Variants in SYT16 observed in about 807,000 individuals in gnomAD.
SYT16 encodes synaptotagmin 16, also known as synaptotagmin-16.
Under a neutral mutation model 61.4 loss-of-function variants are expected in SYT16, and 42 were observed. That is an observed-to-expected ratio of 0.68 (90% CI 0.53 to 0.89). The LOEUF is 0.89. Among genes scored for constraint, SYT16 ranks in the 40% least tolerant of loss-of-function variants. SYT16 has a pLI of 0.00. For missense variants in SYT16, 804 were observed against 807.3 expected (o/e 1.00, Z 0.05); for synonymous variants, 314 against 302.3 (o/e 1.04, Z -0.40).
At chr14:61,897,805 G>A (rs540856970) in intron 1 of SYT16, among the ~76,000 whole-genome samples, 1 of 152,198 alleles carries the variant, frequency 6.6e-6, no homozygotes, top group Non-Finnish European at 1.5e-5. Flanking sequence ...ACTTGGCTCA[G>A]GGACTGGGTC....
At chr14:61,967,638 A>G (rs2051368766) in intron 1 of SYT16, among the ~76,000 whole-genome samples, 1 of 152,062 alleles carries the variant, frequency 6.6e-6, no homozygotes, top group Admixed American at 6.6e-5. Context: ...CTGTCTCATA[A>G]GGACACTCAT....
At chr14:62,031,598 C>T (rs1305500512) in intron 3 of SYT16, among the ~76,000 whole-genome samples, 2 of 152,132 alleles carry the variant, frequency 1.3e-5, no homozygotes. Context: ...AGAGTCCCCT[C>T]ATTACTGTCG....
At chr14:61,816,290 G>A (rs2045424129) in intron 1 of SYT16, among the ~76,000 whole-genome samples, 1 of 142,444 alleles carries the variant, frequency 7.0e-6, no homozygotes, top group Admixed American at 6.9e-5. Context: ...CTCAGTCCTG[G>A]AAGAGGGTGG....
At chr14:62,064,333 T>TG (rs2055961828) in intron 3 of SYT16, among the ~76,000 whole-genome samples, 1 of 54,994 alleles carries the variant, frequency 1.8e-5, no homozygotes, top group South Asian at 4.6e-4. Flanking sequence ...ACTTTAAATT[T>TG]GAAAAAAAAA....
rs551414045 is a variant in SYT16, at chr14:61,937,973, C to T, written c.-324-32159C>T. On this transcript the variant is annotated intron_variant, in intron 1 of 7. Transcript: ENST00000683842. ...GAGTTTACAGTCCATTGAGGAATAC[C>T]CATTTTAACTTTCATCTGAGGCCTC... is the stretch of plus-strand genomic sequence containing the variant. Among the ~76,000 whole-genome samples the T allele has an allele frequency of 7.4e-5, 11 of 148,400 alleles. 1 individual carries two copies. The South Asian group carries it at 2.4e-3, about 32-fold the overall frequency.
At chr14:62,006,630 C>T (rs1372011567) in intron 3 of SYT16, among the ~76,000 whole-genome samples, 2 of 152,042 alleles carry the variant, frequency 1.3e-5, no homozygotes, top group African/African-American at 4.8e-5. Flanking sequence ...TTAGCAGTTG[C>T]CGATGATTAA....
rs73258407 is a variant in SYT16 at position 61,866,947 on chromosome 14, G to A, written c.-325+54137G>A. Reference sequence around the variant, plus strand: ...TTTTTGCTTATGTTGTGAGCTAAGGGTCTAGGCTCATTTTTTTTTTCATAT... The same window carrying A: ...TTTTTGCTTATGTTGTGAGCTAAGGATCTAGGCTCATTTTTTTTTTCATAT... On this transcript the variant is annotated intron_variant, in intron 1 of 7. Coordinates refer to ENST00000683842, the MANE Select transcript of SYT16 (RefSeq NM_001367656.1). Among the ~76,000 whole-genome samples the A allele has an allele frequency of 3.8e-3, 581 of 151,560 alleles. 7 individuals carry two copies. The highest frequency in any genetic ancestry group is 0.013 in the African/African-American group (550 of 41,244).
chr14:61,915,492 G>A (rs899350472), intron 1 of SYT16, among the ~76,000 whole-genome samples: 2 of 152,060 alleles, frequency 1.3e-5, no homozygotes, highest in African/African-American at 4.8e-5. Flanking sequence ...AACAAGTTTA[G>A]GACAACTTTT....
intron 2 of SYT16, among the ~76,000 whole-genome samples, chr14:61,971,501 T>C (rs1041064382): frequency 4.6e-5 from 7 of 152,230 alleles, no homozygotes; most frequent in African/African-American, 1.7e-4. Flanking sequence ...ATGTGGCAGC[T>C]GGCTTTCCCT....
intron 4 of SYT16, among the ~76,000 whole-genome samples, chr14:62,074,163 C>A (rs1437073548): frequency 6.6e-6 from 1 of 152,108 alleles, no homozygotes; most frequent in Non-Finnish European, 1.5e-5. Flanking sequence ...CTTAGGAAGA[C>A]CCTGCCAGCT....
chr14:61,995,975 G>A lies in SYT16; in HGVS notation c.-45G>A. On this transcript the variant is annotated 5_prime_UTR_variant, in exon 3 of 8. Transcript: ENST00000683842. ...TAGTTCACATTCAATCCAGAGCACT[G>A]AAGGAACTGAACAACTGGACACTGT... 1.3e-6 allele frequency: 2 copies of A among 1,520,890 alleles called. No individual in the cohort carries two copies. The highest frequency in any genetic ancestry group is 1.8e-6 in the Non-Finnish European group (2 of 1,135,634). The allele number at this position is 1,520,890 out of a possible 1,614,324, so 94.2% of individuals were successfully genotyped here. A position where few individuals can be genotyped will look rare whatever the true frequency, so the allele number is the denominator to read the frequency against.
At chr14:61,946,541 C>T (rs532713530) in intron 1 of SYT16, among the ~76,000 whole-genome samples, 22 of 152,202 alleles carry the variant, frequency 1.4e-4, no homozygotes, top group Admixed American at 7.2e-4. Flanking sequence ...CACTTGTACC[C>T]CTAAAATATA....
chr14:61,925,075 T>A lies in SYT16; in HGVS notation c.-324-45057T>A, dbSNP rs151297805. 6.6e-5 allele frequency among the ~76,000 whole-genome samples: 10 copies of A among 152,344 alleles called. No individual in the cohort carries two copies. The East Asian group carries it at 1.9e-3, about 29-fold the overall frequency. On this transcript the variant is annotated intron_variant, in intron 1 of 7. Transcript: ENST00000683842. The stretch of plus-strand genomic sequence containing the variant: ...TTAGAGGTGCTGGGAAGCGCCCTCT[T>A]GATTTGGCACAGCCATTGGCATAGC...
chr14:62,020,304 G>GT (rs1431917579), intron 3 of SYT16, among the ~76,000 whole-genome samples: 2 of 152,174 alleles, frequency 1.3e-5, no homozygotes, highest in Admixed American at 6.5e-5. Flanking sequence ...CCTCACTCAA[G>GT]TTTACTACTG....
chr14:62,046,756 A>G (rs1247442584), intron 3 of SYT16, among the ~76,000 whole-genome samples: 2 of 152,116 alleles, frequency 1.3e-5, no homozygotes, highest in Non-Finnish European at 2.9e-5. Context: ...CAAAGATCAG[A>G]TAGTTGTAGA....
chr14:61,908,865 C>A (rs2048821058), intron 1 of SYT16, among the ~76,000 whole-genome samples: 1 of 152,128 alleles, frequency 6.6e-6, no homozygotes, highest in African/African-American at 2.4e-5. Flanking sequence ...CTCTGTCACC[C>A]AGGCTGGAGT....
At chr14:61,934,057 T>C (rs1270684597) in intron 1 of SYT16, among the ~76,000 whole-genome samples, 1 of 152,196 alleles carries the variant, frequency 6.6e-6, no homozygotes, top group Non-Finnish European at 1.5e-5. Flanking sequence ...ATTGTTTTTG[T>C]GGAAATAAAG....
rs148071120 is a variant in SYT16 at position 62,015,405 on chromosome 14, A to G, written c.523+18863A>G. Among the ~76,000 whole-genome samples, 12 of 152,180 alleles carry G rather than the reference A, an allele frequency of 7.9e-5. No homozygotes were observed. In the East Asian group the frequency reaches 2.1e-3, roughly 27 times the overall value. On this transcript the variant is annotated intron_variant, in intron 3 of 7. Coordinates refer to ENST00000683842, the MANE Select transcript of SYT16 (RefSeq NM_001367656.1). ...TATCCTATAAATACTTTTAGATTAC[A>G]GATTATTAGAAGAATGCAGCCGAAG...
At chr14:61,832,994 T>C (rs112821734) in intron 1 of SYT16, among the ~76,000 whole-genome samples, 1,591 of 152,292 alleles carry the variant, frequency 0.01, 34 homozygotes, top group African/African-American at 0.034. Context: ...TGATTCACCC[T>C]CATGGTGATT....
Sources: allele counts gnomAD v4.1 joint callset (sites outside exome capture counted in the v4.1 genomes callset), GRCh38; gene constraint gnomAD v4.1.1; transcripts MANE v1.5; gene names NCBI Gene and HGNC (gene_info 2026-07-23, HGNC 2026-07-21).